Variants in LGSN observed in about 807,000 individuals in gnomAD.
The protein encoded by LGSN is lengsin, lens protein with glutamine synthetase domain.
Under a neutral mutation model 19.5 loss-of-function variants are expected in LGSN, and 21 were observed. That is an observed-to-expected ratio of 1.07 (90% CI 0.76 to 1.55). The LOEUF (loss-of-function observed/expected upper bound fraction) is 1.55, where lower values mean the gene tolerates loss of function less well. LGSN is among the 40% of genes most tolerant of loss of function. The pLI is 0.00. For synonymous variants in LGSN, 257 were observed against 215.6 expected, an observed-to-expected ratio of 1.19 and a Z score of -1.68; for missense variants, 673 against 608.5, an observed-to-expected ratio of 1.11 and a Z score of -1.12.
the LGSN span, chr6:63,480,136 G>T: frequency 9.4e-6 from 2 of 211,830 alleles, no homozygotes; most frequent in East Asian, 1.1e-4. Flanking sequence ...CTGATGCCAT[G>T]GGTTTCAGAG....
chr6:63,355,637 T>C, the LGSN span, among the ~76,000 whole-genome samples: 1 of 152,216 alleles, frequency 6.6e-6, no homozygotes, highest in Admixed American at 6.5e-5. Context: ...CTGGCAATCT[T>C]TGGCATTCCT....
chr6:63,551,281 G>C, the LGSN span, among the ~76,000 whole-genome samples: 2 of 152,078 alleles, frequency 1.3e-5, no homozygotes, highest in Admixed American at 6.5e-5. Context: ...GGCCAGGCTG[G>C]TCTCGAATTC....
chr6:63,383,371 TACACACACACACAC>T, the LGSN span, among the ~76,000 whole-genome samples: 39 of 139,198 alleles, frequency 2.8e-4, no homozygotes, highest in Non-Finnish European at 4.3e-4. Context: ...AACCATTACT[TACACACACACACAC>T]ACACACACAC....
chr6:63,488,878 T>C, the LGSN span, among the ~76,000 whole-genome samples: 1 of 152,022 alleles, frequency 6.6e-6, no homozygotes, highest in Admixed American at 6.6e-5. Flanking sequence ...TAGAAGAAAT[T>C]CCAAGAGTAT....
the LGSN span, among the ~76,000 whole-genome samples, chr6:63,457,022 C>T: frequency 6.1e-4 from 93 of 152,270 alleles, no homozygotes; most frequent in African/African-American, 2.1e-3. Flanking sequence ...AGTCAAAATG[C>T]TTGACCTCAT....
chr6:63,412,346 A>C, the LGSN span, among the ~76,000 whole-genome samples: 2 of 150,402 alleles, frequency 1.3e-5, no homozygotes, highest in South Asian at 4.2e-4. Context: ...TGGCCTGGGC[A>C]ACAGAGCAAG....
chr6:63,461,479 A>T, the LGSN span, among the ~76,000 whole-genome samples: 5 of 152,334 alleles, frequency 3.3e-5, no homozygotes, highest in African/African-American at 1.2e-4. Flanking sequence ...ACTGTCTTCA[A>T]ACCAAGCCCT....
At chr6:63,569,577 A>C in the LGSN span, among the ~76,000 whole-genome samples, 2 of 152,178 alleles carry the variant, frequency 1.3e-5, no homozygotes, top group Non-Finnish European at 2.9e-5. Context: ...CAACTTCCTT[A>C]TAATATTCTT....
the LGSN span, among the ~76,000 whole-genome samples, chr6:63,363,705 A>C: frequency 3.3e-5 from 5 of 152,362 alleles, no homozygotes; most frequent in Admixed American, 3.3e-4. Context: ...CTATGTGAAA[A>C]GACCAAATTT....
At chr6:63,426,374 G>T in the LGSN span, among the ~76,000 whole-genome samples, 1 of 152,094 alleles carries the variant, frequency 6.6e-6, no homozygotes, top group Non-Finnish European at 1.5e-5. Flanking sequence ...ATTGATATTA[G>T]AACTATGCAA....
chr6:63,328,206 C>G, the LGSN span, among the ~76,000 whole-genome samples: 1 of 152,004 alleles, frequency 6.6e-6, no homozygotes, highest in Non-Finnish European at 1.5e-5. Flanking sequence ...CTTCATATCC[C>G]ATTTTCCACA....
chr6:63,541,361 T>C, the LGSN span, among the ~76,000 whole-genome samples: 1 of 151,984 alleles, frequency 6.6e-6, no homozygotes, highest in African/African-American at 2.4e-5. Flanking sequence ...AAGAGCAGCC[T>C]GGCCAACATA....
the LGSN span, chr6:63,572,249 G>A: frequency 5.8e-6 from 1 of 173,868 alleles, no homozygotes; most frequent in Admixed American, 6.3e-5. Flanking sequence ...CTGCATCCCG[G>A]AGCACTCCCG....
At chr6:63,440,054 C>T in the LGSN span, among the ~76,000 whole-genome samples, 1 of 152,270 alleles carries the variant, frequency 6.6e-6, no homozygotes, top group Admixed American at 6.5e-5. Flanking sequence ...AACATAGGTT[C>T]CTCCACCACT....
the LGSN span, among the ~76,000 whole-genome samples, chr6:63,479,810 T>A: frequency 6.6e-6 from 1 of 152,222 alleles, no homozygotes; most frequent in Non-Finnish European, 1.5e-5. Context: ...AATCTGAGAC[T>A]CTGTTTAATT....
At chr6:63,431,653 T>C in the LGSN span, among the ~76,000 whole-genome samples, 3 of 145,910 alleles carry the variant, frequency 2.1e-5, no homozygotes. Flanking sequence ...ATTTTTAAAT[T>C]AGATCATTTA....
chr6:63,361,444 A>G, the LGSN span, among the ~76,000 whole-genome samples: 1 of 152,026 alleles, frequency 6.6e-6, no homozygotes, highest in Non-Finnish European at 1.5e-5. Context: ...TGGGTGTAGG[A>G]CCCTCCGAGT....
the LGSN span, among the ~76,000 whole-genome samples, chr6:63,520,389 G>A: frequency 6.6e-6 from 1 of 152,198 alleles, no homozygotes. Context: ...CACTTTGGGA[G>A]ACTGAGGCGG....
At chr6:63,317,184 A>G (rs996857347) in intron 1 of LGSN, among the ~76,000 whole-genome samples, 2 of 152,238 alleles carry the variant, frequency 1.3e-5, no homozygotes, top group African/African-American at 4.8e-5. Context: ...ATAACATAAT[A>G]AAGTATATGT....
Sources: gnomAD v4.1 joint callset for allele counts (sites outside exome capture counted in the v4.1 genomes callset) on GRCh38, gnomAD v4.1.1 for gene constraint, MANE v1.5 for transcripts, NCBI Gene and HGNC (gene_info 2026-07-23, HGNC 2026-07-21) for gene names.